Variants in NOS1AP observed in about 807,000 individuals in gnomAD.
The protein encoded by NOS1AP is nitric oxide synthase 1 adaptor protein.
Under a neutral mutation model 56.2 loss-of-function variants are expected in NOS1AP, and 21 were observed. That is an observed-to-expected ratio of 0.37 (90% CI 0.26 to 0.54). The LOEUF (loss-of-function observed/expected upper bound fraction) is 0.54, where lower values mean the gene tolerates loss of function less well. Ranked by LOEUF, NOS1AP falls within the 20% of genes least tolerant of loss-of-function variation. NOS1AP has a pLI of 0.84. For missense variants in NOS1AP, 522 were observed against 657.8 expected (o/e 0.79, Z 2.26); for synonymous variants, 270 against 274.6 (o/e 0.98, Z 0.17).
chr1:162,257,100 A>G (rs1654055049), intron 2 of NOS1AP, among the ~76,000 whole-genome samples: 1 of 152,206 alleles, frequency 6.6e-6, no homozygotes, highest in South Asian at 2.1e-4. Context: ...GAAAGGGCAT[A>G]TGGGTATCCA....
chr1:162,320,578 G>T (rs546335302), intron 4 of NOS1AP, among the ~76,000 whole-genome samples: 35 of 152,254 alleles, frequency 2.3e-4, no homozygotes, highest in Admixed American at 8.5e-4. Flanking sequence ...AATTGGAGCC[G>T]GGAGCGGTGG....
chr1:162,118,036 G>T (rs1382623318), intron 1 of NOS1AP, among the ~76,000 whole-genome samples: 1 of 152,214 alleles, frequency 6.6e-6, no homozygotes, highest in African/African-American at 2.4e-5. Context: ...TCACAACGTT[G>T]TTATGAGAAG....
At chr1:162,212,631 T>C (rs989225524) in intron 2 of NOS1AP, among the ~76,000 whole-genome samples, 2 of 152,026 alleles carry the variant, frequency 1.3e-5, no homozygotes, top group Non-Finnish European at 2.9e-5. Context: ...ACAGGGGTAA[T>C]TGTAAAAGCT....
At chr1:162,228,478 A>C (rs1280601498) in intron 2 of NOS1AP, among the ~76,000 whole-genome samples, 1 of 152,152 alleles carries the variant, frequency 6.6e-6, no homozygotes, top group African/African-American at 2.4e-5. Context: ...AAAGAAGCTA[A>C]ATTAGGTGCC....
intron 1 of NOS1AP, among the ~76,000 whole-genome samples, chr1:162,077,692 C>T (rs2102011632): frequency 6.7e-6 from 1 of 149,568 alleles, no homozygotes; most frequent in East Asian, 2.0e-4. Flanking sequence ...CCCTTCACTC[C>T]CCACCCCCAC....
chr1:162,151,492 A>C (rs1298001570), intron 1 of NOS1AP, among the ~76,000 whole-genome samples: 1 of 152,178 alleles, frequency 6.6e-6, no homozygotes, highest in Non-Finnish European at 1.5e-5. Context: ...AACTTTAGCT[A>C]TTCTGGGTCT....
chr1:162,311,269 A>T (rs1279437372), intron 4 of NOS1AP, among the ~76,000 whole-genome samples: 6 of 151,624 alleles, frequency 4.0e-5, no homozygotes, highest in Admixed American at 6.6e-5. Flanking sequence ...ACCACTTCTC[A>T]TTTCTCCTAT....
At chr1:162,140,271 C>G (rs1487152658) in intron 1 of NOS1AP, among the ~76,000 whole-genome samples, 1 of 152,192 alleles carries the variant, frequency 6.6e-6, no homozygotes, top group East Asian at 1.9e-4. Flanking sequence ...TCCAGACAAT[C>G]ATTTATTTGC....
At chr1:162,120,086 C>CACATGTATATGT (rs66740168) in intron 1 of NOS1AP, among the ~76,000 whole-genome samples, 3 of 2,106 alleles carry the variant, frequency 1.4e-3, no homozygotes, top group South Asian at 0.083. Context: ...ATGGTATATA[C>CACATGTATATGT]ATATGTATAT....
At chr1:162,252,082 C>A (rs536947112) in intron 2 of NOS1AP, among the ~76,000 whole-genome samples, 1 of 151,840 alleles carries the variant, frequency 6.6e-6, no homozygotes, top group Non-Finnish European at 1.5e-5. Context: ...TTCTGTTGCC[C>A]AAGCTGGAAT....
intron 5 of NOS1AP, among the ~76,000 whole-genome samples, chr1:162,337,507 GA>G (rs1208727729): frequency 6.6e-6 from 1 of 152,048 alleles, no homozygotes; most frequent in Non-Finnish European, 1.5e-5. Flanking sequence ...GTTGAGTTGG[GA>G]AGTCAAAATG....
intron 2 of NOS1AP, among the ~76,000 whole-genome samples, chr1:162,208,424 A>G (rs537048572): frequency 1.2e-4 from 18 of 152,292 alleles, no homozygotes; most frequent in Non-Finnish European, 2.2e-4. Flanking sequence ...ACATATCCTC[A>G]ATAAATATTG....
intron 4 of NOS1AP, among the ~76,000 whole-genome samples, chr1:162,306,963 CAA>C (rs5778264): frequency 8.3e-4 from 118 of 142,068 alleles, no homozygotes; most frequent in Middle Eastern, 3.6e-3. Context: ...ACTTTTGTCT[CAA>C]AAAAAAAAAA....
intron 2 of NOS1AP, among the ~76,000 whole-genome samples, chr1:162,219,874 T>A (rs1401066816): frequency 6.6e-6 from 1 of 152,234 alleles, no homozygotes; most frequent in Non-Finnish European, 1.5e-5. Flanking sequence ...TTGTATCCCC[T>A]AGGAAAGAGT....
intron 1 of NOS1AP, among the ~76,000 whole-genome samples, chr1:162,102,925 A>G (rs904384396): frequency 2.0e-5 from 3 of 151,580 alleles, no homozygotes; most frequent in Admixed American, 6.6e-5. Context: ...TTTTGTCTCT[A>G]TCTTCTTTGG....
chr1:162,191,601 A>G (rs916326334), intron 2 of NOS1AP, among the ~76,000 whole-genome samples: 18 of 151,926 alleles, frequency 1.2e-4, no homozygotes, highest in African/African-American at 4.3e-4. Flanking sequence ...GCAGAAGAAG[A>G]TAAGGGATTC....
intron 2 of NOS1AP, among the ~76,000 whole-genome samples, chr1:162,218,316 C>T (rs1270578919): frequency 6.6e-6 from 1 of 152,174 alleles, no homozygotes; most frequent in Non-Finnish European, 1.5e-5. Context: ...GCCTCAGTCT[C>T]TCCATATGTG....
At chr1:162,251,859 T>G (rs929191690) in intron 2 of NOS1AP, among the ~76,000 whole-genome samples, 2 of 117,756 alleles carry the variant, frequency 1.7e-5, no homozygotes, top group African/African-American at 2.9e-5. Context: ...AGCTAGTTGT[T>G]TTTTTTTTTG....
intron 4 of NOS1AP, among the ~76,000 whole-genome samples, chr1:162,307,661 A>C (rs1477465364): frequency 6.6e-6 from 1 of 152,062 alleles, no homozygotes. Flanking sequence ...AATACACTGT[A>C]ATAGCCAGGC....
Sources: gnomAD v4.1 joint callset for allele counts (sites outside exome capture counted in the v4.1 genomes callset) on GRCh38, gnomAD v4.1.1 for gene constraint, MANE v1.5 for transcripts, NCBI Gene and HGNC (gene_info 2026-07-23, HGNC 2026-07-21) for gene names.